The following PHRF1 variants were observed in gnomAD, a reference collection of about 807,000 sequenced individuals.
The protein encoded by PHRF1 is PHD and ring finger domains 1, also known as PHD and RING finger domain-containing protein 1.
In PHRF1, 53 loss-of-function variants were observed where a neutral mutation model predicts 128.9. The ratio of observed to expected loss-of-function variants is 0.41; its 90% CI spans 0.33 to 0.52. The LOEUF (loss-of-function observed/expected upper bound fraction) is 0.52. Ranked by LOEUF, PHRF1 falls within the 20% of genes least tolerant of loss-of-function variation. The probability of loss-of-function intolerance (pLI) is 0.21; values close to 1 mark genes in which losing one functional copy is unlikely to be tolerated. For missense variants in PHRF1, 2,503 were observed against 2,284.5 expected, an observed-to-expected ratio of 1.10 and a Z score of -1.95; for synonymous variants, 1,178 against 980.6, an observed-to-expected ratio of 1.20 and a Z score of -3.76.
At position 606,449 on chromosome 11, in the gene PHRF1, C is replaced by A; in HGVS notation, c.1462C>A (p.Leu488Ile). The A allele has an allele frequency of 6.4e-7, 1 of 1,553,904 alleles. No homozygotes were observed. The highest frequency in any genetic ancestry group is 1.2e-5 in the South Asian group (1 of 85,026). Residue 488 changes from leucine to isoleucine, a missense_variant, in exon 13 of 18, where the codon CTC (leucine) becomes ATC (isoleucine). Leu to Ile is a conservative substitution (Grantham distance 5). Transcript: ENST00000264555. ...TTGGGTCTGTGCCCACAGGAGGCGCCTCCCTGCCGCGGTGCCAGAGCCAGA... is the reference window on the plus strand; with the variant it reads ...TTGGGTCTGTGCCCACAGGAGGCGCATCCCTGCCGCGGTGCCAGAGCCAGA... The part of the protein sequence containing the change: ...PVSVGLSRRR[L>I]PAAVPEPDLE...
intron 3 of PHRF1, among the ~76,000 whole-genome samples, chr11:582,422 A>G (rs927319711): frequency 6.6e-5 from 10 of 151,456 alleles, no homozygotes; most frequent in Admixed American, 2.0e-4. Flanking sequence ...GCACCATGAC[A>G]CTTGGCTAAT....
In PHRF1 at chr11:610,539, C is replaced by G; in HGVS notation, c.4455C>G (p.Pro1485=). Residue 1485 remains proline, a synonymous_variant, in exon 16 of 18, where the codon CCC becomes CCG. Coordinates refer to ENST00000264555, the MANE Select transcript of PHRF1 (RefSeq NM_001286581.2). The part of the protein sequence containing the change: ...SPGLPPAPAQ[P]SSIPPCALVS... ...GCCTGCCGCCTGCCCCGGCCCAGCC[C>G]TCAAGCATCCCACCCTGCGCACTGG... is the stretch of plus-strand genomic sequence containing the variant. The G allele has an allele frequency of 1.2e-6, 2 of 1,605,748 alleles. No individual in the cohort carries two copies. The highest frequency in any genetic ancestry group is 1.1e-5 in the South Asian group (1 of 91,038).
intron 3 of PHRF1, among the ~76,000 whole-genome samples, chr11:586,558 A>G (rs1411027119): frequency 1.3e-5 from 2 of 152,126 alleles, no homozygotes; most frequent in East Asian, 1.9e-4. Context: ...TCCTCTTCCC[A>G]TGTGAACTTG....
At position 591,400 on chromosome 11, in the gene PHRF1, C is replaced by T; in HGVS notation, c.437C>T (p.Pro146Leu). 4 of 1,608,608 alleles carry T rather than the reference C, an allele frequency of 2.5e-6. No homozygotes were observed. Among genetic ancestry groups the T allele is most frequent in the Non-Finnish European group, 3.4e-6 (4 of 1,177,700 alleles). Residue 146 changes from proline to leucine, a missense_variant, in exon 5 of 18, where the codon CCA (proline) becomes CTA (leucine). Physicochemically the swap from Pro to Leu is moderately conservative, Grantham distance 98. Coordinates refer to ENST00000264555, the MANE Select transcript of PHRF1 (RefSeq NM_001286581.2). ...VEWSKNANSC[P>L]VDRTLFKCIC... is the part of the protein sequence containing the mutation. The stretch of plus-strand genomic sequence containing the variant: ...TTCTCACAGAATGCCAATTCCTGTC[C>T]AGTTGATCGAACTCTATTTAAGTGC...
At position 597,432 on chromosome 11, in the gene PHRF1, C is replaced by G. The variant is rs370802487; in HGVS notation, c.756C>G (p.Leu252=). ...GPVSEEEVSL[L]LADVVPTTSR... ...TGAGTGAGGAGGAGGTCTCCCTGCT[C>G]TTGGCTGATGTGGTGCCCACCACCA... Residue 252 remains leucine, a synonymous_variant, in exon 8 of 18, where the codon CTC becomes CTG. Transcript: ENST00000264555. The surrounding 1 kb of genome is among the most constrained non-coding windows in gnomAD (Gnocchi z 6.5). 2.5e-6 allele frequency: 4 copies of G among 1,613,040 alleles called. No individual in the cohort carries two copies. The highest frequency in any genetic ancestry group is 3.4e-6 in the Non-Finnish European group (4 of 1,179,652).
chr11:578,741 G>A (rs771550776), intron 1 of PHRF1, among the ~76,000 whole-genome samples: 77 of 152,148 alleles, frequency 5.1e-4, no homozygotes, highest in East Asian at 9.6e-4. Flanking sequence ...GGTTTTTAAC[G>A]GTTTTGCCAT....
intron 9 of PHRF1, among the ~76,000 whole-genome samples, chr11:600,493 AATATATATATAT>A (rs35825045): frequency 3.1e-5 from 4 of 129,342 alleles, no homozygotes; most frequent in Non-Finnish European, 6.4e-5. Context: ...TGTCTCCAAA[AATATATATATAT>A]ATATATATAT....
At chr11:583,100 G>A (rs1854308585) in intron 3 of PHRF1, among the ~76,000 whole-genome samples, 1 of 151,446 alleles carries the variant, frequency 6.6e-6, no homozygotes, top group African/African-American at 2.4e-5. Context: ...CAGCACTTTG[G>A]GAGGCCGAGG....
At chr11:602,104 C>A (rs530036075) in intron 10 of PHRF1, among the ~76,000 whole-genome samples, 10 of 152,164 alleles carry the variant, frequency 6.6e-5, no homozygotes, top group Non-Finnish European at 1.3e-4. Context: ...TGACACAAGC[C>A]GTGTCTGACA....
intron 1 of PHRF1, among the ~76,000 whole-genome samples, chr11:580,259 C>T (rs1854128262): frequency 1.3e-5 from 2 of 152,210 alleles, no homozygotes; most frequent in Admixed American, 1.3e-4. Context: ...GTGCACGTAT[C>T]TCCTTTCTTA....
chr11:579,990 C>G (rs1854113507), intron 1 of PHRF1, among the ~76,000 whole-genome samples: 1 of 152,216 alleles, frequency 6.6e-6, no homozygotes. Flanking sequence ...ACATGTGCAG[C>G]CCACAGTGGT....
Position 612,144 on chromosome 11 carries a change from T to C in PHRF1, c.*367T>C. The C allele has an allele frequency of 2.9e-6, 1 of 339,052 alleles. No homozygotes were observed. Among genetic ancestry groups the C allele is most frequent in the Non-Finnish European group, 5.4e-6 (1 of 184,676 alleles). The allele number at this position is 339,052 out of a possible 1,614,324, so 21.0% of individuals were successfully genotyped here. On this transcript the variant is annotated 3_prime_UTR_variant, in exon 18 of 18. Coordinates refer to ENST00000264555, the MANE Select transcript of PHRF1 (RefSeq NM_001286581.2). ...GGTGGGGTGGCGCGTCCTTGATAAA[T>C]CTCTAGGTGGCCTCCCGCCAACAGC... is the stretch of plus-strand genomic sequence containing the variant.
chr11:582,179 A>G, intron 3 of PHRF1, 98 bp downstream of exon 3: 2 of 1,528,262 alleles, frequency 1.3e-6, no homozygotes, highest in Non-Finnish European at 1.8e-6. Flanking sequence ...CTGTCACCAC[A>G]GCTGGCCATG....
rs754418056 is a variant in PHRF1, at chr11:601,580, G to A, written c.1031G>A (p.Arg344Gln). The change falls in exon 10 of 18, where the codon CGG (arginine) becomes CAG (glutamine). Residue 344 changes from arginine to glutamine, a missense_variant. Transcript: ENST00000264555. ...TTCAACCTCTTTTCCTTAGGAAGAC[G>A]GAAGAAAGTGCCGGGAAGAAAGAAA... ...PARRKRKTRR[R>Q]KKVPGRKKTP... The A allele has an allele frequency of 8.7e-6, 14 of 1,613,558 alleles. No individual in the cohort carries two copies. Among genetic ancestry groups the A allele is most frequent in the African/African-American group, 5.3e-5 (4 of 74,886 alleles).
chr11:583,720 G>A (rs908438013), intron 3 of PHRF1, among the ~76,000 whole-genome samples: 2 of 147,294 alleles, frequency 1.4e-5, no homozygotes, highest in African/African-American at 5.1e-5. Context: ...GTGTTGGAGC[G>A]AGACGTTATC....
intron 4 of PHRF1, among the ~76,000 whole-genome samples, chr11:591,011 G>T (rs1433081527): frequency 1.3e-5 from 2 of 152,146 alleles, no homozygotes; most frequent in Admixed American, 6.5e-5. Flanking sequence ...CCTATGAAAA[G>T]AAATTCTAAA....
At position 579,280 on chromosome 11, in the gene PHRF1, C is replaced by T. The variant is rs138142657; in HGVS notation, c.-21-2212C>T. 6.4e-4 allele frequency among the ~76,000 whole-genome samples: 71 copies of T among 110,456 alleles called. 2 individuals carry two copies. The highest frequency in any genetic ancestry group is 2.9e-3 in the African/African-American group (70 of 24,450). 72.5% of individuals were successfully genotyped at this position (110,456 alleles called of 152,430 possible). ...TCCCCCCAGCCCTGCTCTGTTATCTCTTAGGTGGTCTCTTTGAAGTGTTCC... is the reference window on the plus strand; with the variant it reads ...TCCCCCCAGCCCTGCTCTGTTATCTTTTAGGTGGTCTCTTTGAAGTGTTCC... On this transcript the variant is annotated intron_variant, in intron 1 of 17. Transcript: ENST00000264555.
At chr11:577,885 A>ATTTC (rs1853982093) in intron 1 of PHRF1, among the ~76,000 whole-genome samples, 1 of 152,254 alleles carries the variant, frequency 6.6e-6, no homozygotes, top group Non-Finnish European at 1.5e-5. Context: ...GAAAAGAGAG[A>ATTTC]GAAATAGCCT....
chr11:581,957 TC>T lies in PHRF1; in HGVS notation c.95-4del. On this transcript the variant is annotated splice_polypyrimidine_tract_variant and splice_region_variant and intron_variant, in intron 2 of 17. Transcript: ENST00000264555. ...CTGCGGCCTGTGTCTCACCCTGGTG[TC>T]TAGAAGAAAGCAGCGTGGGCAGCAG... 3 of 1,590,348 alleles carry T rather than the reference TC, an allele frequency of 1.9e-6. No individual in the cohort carries two copies. Among genetic ancestry groups the T allele is most frequent in the Non-Finnish European group, 2.6e-6 (3 of 1,169,092 alleles).
Sources: gnomAD v4.1 joint callset for allele counts (sites outside exome capture counted in the v4.1 genomes callset) on GRCh38, gnomAD v4.1.1 for gene constraint, Gnocchi (gnomAD v3.1) non-coding constraint, MANE v1.5 for transcripts, NCBI Gene and HGNC (gene_info 2026-07-23, HGNC 2026-07-21) for gene names.